The following MIS18A variants were observed in gnomAD, a reference collection of about 807,000 sequenced individuals.
MIS18A encodes MIS18 kinetochore protein A.
In MIS18A, 14 loss-of-function variants were observed where a neutral mutation model predicts 25.0. That is an observed-to-expected ratio of 0.56 (90% CI 0.37 to 0.88). MIS18A has a LOEUF of 0.88. Among genes scored for constraint, MIS18A ranks in the 40% least tolerant of loss-of-function variants. The pLI is 0.00. For synonymous variants in MIS18A, 134 were observed against 118.6 expected (o/e 1.13, Z -0.84); for missense variants, 292 against 290.8 (o/e 1.00, Z -0.03).
At chr21:32,209,633 T>A in the MIS18A span, among the ~76,000 whole-genome samples, 1 of 152,144 alleles carries the variant, frequency 6.6e-6, no homozygotes, top group African/African-American at 2.4e-5. Context: ...AATCTCACCT[T>A]GAATTGTAGT....
At chr21:32,163,210 C>A in the MIS18A span, among the ~76,000 whole-genome samples, 1 of 152,116 alleles carries the variant, frequency 6.6e-6, no homozygotes. Context: ...GAATAAACAG[C>A]CAAATTAGAT....
At chr21:32,155,078 A>G in the MIS18A span, among the ~76,000 whole-genome samples, 1 of 152,116 alleles carries the variant, frequency 6.6e-6, no homozygotes, top group Admixed American at 6.5e-5. Context: ...TTTACCACTT[A>G]TCATTGGGAG....
intron 1 of MIS18A, among the ~76,000 whole-genome samples, chr21:32,277,475 A>G (rs2123472878): frequency 6.6e-6 from 1 of 152,120 alleles, no homozygotes; most frequent in East Asian, 1.9e-4. Context: ...CTTTTTTGAG[A>G]CGTTGTCTCG....
chr21:32,194,531 T>A, the MIS18A span, among the ~76,000 whole-genome samples: 1 of 152,056 alleles, frequency 6.6e-6, no homozygotes, highest in East Asian at 1.9e-4. Flanking sequence ...TGGTGGTGCA[T>A]GCCTGTTATC....
At chr21:32,159,215 A>C in the MIS18A span, among the ~76,000 whole-genome samples, 1 of 152,222 alleles carries the variant, frequency 6.6e-6, no homozygotes, top group East Asian at 1.9e-4. Context: ...AATTATGACA[A>C]CTTTGTTTAC....
chr21:32,208,553 C>T, the MIS18A span, among the ~76,000 whole-genome samples: 1 of 152,338 alleles, frequency 6.6e-6, no homozygotes, highest in South Asian at 2.1e-4. Context: ...GCCTACAGAA[C>T]CATGAGCCAA....
the MIS18A span, among the ~76,000 whole-genome samples, chr21:32,258,301 G>A: frequency 1.3e-5 from 2 of 151,968 alleles, no homozygotes; most frequent in African/African-American, 4.8e-5. Flanking sequence ...CAATTTTAGG[G>A]ACGAATACCG....
the MIS18A span, among the ~76,000 whole-genome samples, chr21:32,218,103 A>G: frequency 1.3e-5 from 2 of 151,336 alleles, no homozygotes; most frequent in Non-Finnish European, 1.5e-5. Context: ...TGAGGCAGGA[A>G]AATGGCATGA....
chr21:32,178,661 T>C, the MIS18A span, among the ~76,000 whole-genome samples: 1 of 152,174 alleles, frequency 6.6e-6, no homozygotes, highest in Non-Finnish European at 1.5e-5. Context: ...ATCTTCTTTG[T>C]CTTGGTCTTT....
At chr21:32,221,706 T>C in the MIS18A span, among the ~76,000 whole-genome samples, 1 of 141,496 alleles carries the variant, frequency 7.1e-6, no homozygotes, top group East Asian at 2.1e-4. Context: ...GGCAAAACCC[T>C]ATCTCTACGA....
chr21:32,177,967 T>C, the MIS18A span, among the ~76,000 whole-genome samples: 4 of 151,796 alleles, frequency 2.6e-5, no homozygotes, highest in Non-Finnish European at 4.4e-5. Flanking sequence ...CAGGCTGGAG[T>C]AGAGTGGCAC....
chr21:32,174,873 C>T, the MIS18A span, among the ~76,000 whole-genome samples: 1 of 152,196 alleles, frequency 6.6e-6, no homozygotes, highest in East Asian at 1.9e-4. Context: ...ATATCCTGGT[C>T]ATAACACAAG....
chr21:32,194,392 G>A, the MIS18A span, among the ~76,000 whole-genome samples: 1 of 152,078 alleles, frequency 6.6e-6, no homozygotes, highest in Non-Finnish European at 1.5e-5. Context: ...AGGCATGGTG[G>A]CTCACGCCTA....
the MIS18A span, among the ~76,000 whole-genome samples, chr21:32,193,526 AGATC>A: frequency 4.1e-5 from 6 of 148,050 alleles, no homozygotes; most frequent in East Asian, 1.2e-3. Flanking sequence ...ATAGATGGAT[AGATC>A]GATCGATCTA....
At chr21:32,228,933 A>G in the MIS18A span, among the ~76,000 whole-genome samples, 1 of 152,218 alleles carries the variant, frequency 6.6e-6, no homozygotes, top group African/African-American at 2.4e-5. Flanking sequence ...ATTATGAAAA[A>G]AAATCACCTA....
At chr21:32,215,636 T>C in the MIS18A span, among the ~76,000 whole-genome samples, 2 of 152,172 alleles carry the variant, frequency 1.3e-5, 1 homozygote, top group South Asian at 4.1e-4. Flanking sequence ...ATAGGTATCT[T>C]CTTTTTGTTG....
At chr21:32,240,223 G>A in the MIS18A span, among the ~76,000 whole-genome samples, 5 of 152,200 alleles carry the variant, frequency 3.3e-5, no homozygotes, top group African/African-American at 7.2e-5. Context: ...AAATTCATAC[G>A]TTAAAACCTA....
chr21:32,216,015 T>A, the MIS18A span, among the ~76,000 whole-genome samples: 1 of 152,110 alleles, frequency 6.6e-6, no homozygotes, highest in African/African-American at 2.4e-5. Flanking sequence ...TGTTAGTGGA[T>A]GTGGTGGACT....
the MIS18A span, among the ~76,000 whole-genome samples, chr21:32,180,454 CCACAGTCCCTCTCTCT>C: frequency 6.6e-6 from 1 of 152,220 alleles, no homozygotes; most frequent in Non-Finnish European, 1.5e-5. Context: ...CACCAAACCT[CCACAGTCCCTCTCTCT>C]CACAGCCCTC....
Sources: allele counts gnomAD v4.1 joint callset (sites outside exome capture counted in the v4.1 genomes callset), GRCh38; gene constraint gnomAD v4.1.1; transcripts MANE v1.5; gene names NCBI Gene and HGNC (gene_info 2026-07-23, HGNC 2026-07-21).